Variants in TTC39C observed in about 807,000 individuals in gnomAD.
TTC39C encodes tetratricopeptide repeat protein 39C.
A neutral mutation model predicts 76.3 loss-of-function variants in TTC39C; 33 were observed. The ratio of observed to expected loss-of-function variants is 0.43; its 90% confidence interval spans 0.33 to 0.58. The LOEUF is 0.58. Among genes scored for constraint, TTC39C ranks in the 20% least tolerant of loss-of-function variants. TTC39C has a pLI of 0.04. For missense variants in TTC39C, 595 were observed against 701.4 expected (o/e 0.85, Z 1.71); for synonymous variants, 254 against 260.6 (o/e 0.97, Z 0.24).
At chr18:24,031,620 C>T (rs1457344721) in intron 1 of TTC39C, among the ~76,000 whole-genome samples, 1 of 152,172 alleles carries the variant, frequency 6.6e-6, no homozygotes, top group African/African-American at 2.4e-5. Context: ...CCGCCTAGTC[C>T]AGGCCACCCT....
In TTC39C at chr18:23,999,010, A is replaced by G. The variant is rs148592000; in HGVS notation, c.-17+5972A>G. On this transcript the variant is annotated intron_variant, in intron 1 of 13. Transcript: ENST00000304621. ...CAGCTTCTGTCCTGAATCATCTTGG[A>G]TGACTGCCTCAGGTCTCTGTGTGGC... 5.7e-3 allele frequency among the ~76,000 whole-genome samples: 864 copies of G among 152,258 alleles called. 7 individuals carry two copies. The highest frequency in any genetic ancestry group is 0.019 in the African/African-American group (810 of 41,554).
intron 1 of TTC39C, among the ~76,000 whole-genome samples, chr18:24,042,054 A>G (rs985963754): frequency 2.6e-5 from 4 of 152,206 alleles, no homozygotes; most frequent in African/African-American, 9.6e-5. Flanking sequence ...TATCCTTTGC[A>G]GTTTGTATTT....
chr18:24,011,904 C>T (rs543017279), upstream of TTC39C, among the ~76,000 whole-genome samples: 73 of 152,324 alleles, frequency 4.8e-4, no homozygotes, highest in African/African-American at 1.7e-3. Flanking sequence ...ATTAGTTTTG[C>T]AGGAAGGTGC....
At chr18:24,064,350 CT>C (rs1198129385) in intron 2 of TTC39C, among the ~76,000 whole-genome samples, 162 bp downstream of exon 2, 1 of 152,160 alleles carries the variant, frequency 6.6e-6, no homozygotes, top group African/African-American at 2.4e-5. Flanking sequence ...ATGAAATAAT[CT>C]GCCTTCCCTA....
rs181181851 is a variant in TTC39C at position 24,020,170 on chromosome 18, T to G, written c.167+5132T>G. 14 of 1,186,112 alleles carry G rather than the reference T, an allele frequency of 1.2e-5. No individual in the cohort carries two copies. The African/African-American group carries it at 2.2e-4, about 19-fold the overall frequency. The allele number at this position is 1,186,112 out of a possible 1,614,324, so 73.5% of individuals were successfully genotyped here. A position where few individuals can be genotyped will look rare whatever the true frequency, so the allele number is the denominator to read the frequency against. ...GGAACTGGCGGGAAAGACAGGAAACTCATCTGTTGACTTTTTCCATCCTCT... is the reference window on the plus strand; with the variant it reads ...GGAACTGGCGGGAAAGACAGGAAACGCATCTGTTGACTTTTTCCATCCTCT... On this transcript the variant is annotated intron_variant, in intron 1 of 13. Coordinates refer to ENST00000317571, the MANE Select transcript of TTC39C (RefSeq NM_001135993.2).
intron 1 of TTC39C, among the ~76,000 whole-genome samples, chr18:24,031,173 G>T (rs980827135): frequency 4.0e-5 from 6 of 150,698 alleles, no homozygotes; most frequent in African/African-American, 1.5e-4. Context: ...GGCCAGGCTG[G>T]TCTCGAACTC....
intron 6 of TTC39C, among the ~76,000 whole-genome samples, chr18:24,102,186 C>T (rs537327771): frequency 2.0e-5 from 3 of 152,328 alleles, no homozygotes; most frequent in East Asian, 1.9e-4. Context: ...AATCCCACTA[C>T]GAAGCACTTT....
chr18:24,023,942 ATATGCATG>A (rs1187508781), intron 1 of TTC39C, among the ~76,000 whole-genome samples: 13 of 17,852 alleles, frequency 7.3e-4, no homozygotes, highest in Non-Finnish European at 1.2e-3. Context: ...ACATATATAT[ATATGCATG>A]TATATATATA....
At chr18:24,055,428 A>G (rs1211917181) in intron 1 of TTC39C, among the ~76,000 whole-genome samples, 1 of 152,086 alleles carries the variant, frequency 6.6e-6, no homozygotes, top group Non-Finnish European at 1.5e-5. Flanking sequence ...TAGCTATCCT[A>G]GTGGGTGTGA....
At chr18:24,106,416 T>A (rs926265899) in intron 6 of TTC39C, among the ~76,000 whole-genome samples, 1 of 140,882 alleles carries the variant, frequency 7.1e-6, no homozygotes, top group Non-Finnish European at 1.5e-5. Flanking sequence ...AGAGAAAGAA[T>A]CAGTTAGCAC....
Position 24,018,422 on chromosome 18 carries a change from G to A in TTC39C, c.167+3384G>A, listed in dbSNP as rs1295243783. The stretch of plus-strand genomic sequence containing the variant: ...TCATTCCCTTCCTCACTCACTGTTT[G>A]CATATGTGACGTGCACTCAGACCTT... On this transcript the variant is annotated intron_variant, in intron 1 of 13. Transcript: ENST00000317571. Among the ~76,000 whole-genome samples, 3 of 152,228 alleles carry A rather than the reference G, an allele frequency of 2.0e-5. No individual in the cohort carries two copies. In the East Asian group the frequency reaches 5.8e-4, roughly 29 times the overall value.
chr18:24,059,229 T>C (rs1263980679), intron 1 of TTC39C, among the ~76,000 whole-genome samples: 1 of 152,242 alleles, frequency 6.6e-6, no homozygotes, highest in Non-Finnish European at 1.5e-5. Flanking sequence ...AAAAAACTTT[T>C]AAGTTCAGAG....
At chr18:24,107,535 C>G (rs893029411) in intron 6 of TTC39C, among the ~76,000 whole-genome samples, 1 of 152,080 alleles carries the variant, frequency 6.6e-6, no homozygotes, top group Non-Finnish European at 1.5e-5. Flanking sequence ...TGAGTTCTCA[C>G]GAGATCTGAT....
chr18:24,038,621 A>G (rs1199780261), intron 1 of TTC39C, among the ~76,000 whole-genome samples: 1 of 152,204 alleles, frequency 6.6e-6, no homozygotes, highest in African/African-American at 2.4e-5. Flanking sequence ...CATCATGAGA[A>G]CAGTAATAAA....
At chr18:24,119,973 C>T (rs2084944812) in intron 8 of TTC39C, among the ~76,000 whole-genome samples, 1 of 148,874 alleles carries the variant, frequency 6.7e-6, no homozygotes. Context: ...TCCCCCCCCC[C>T]AATATTTGGC....
At chr18:24,006,517 AAC>A (rs1469306376) in intron 1 of TTC39C, 1 of 140,724 alleles carries the variant, frequency 7.1e-6, no homozygotes, top group African/African-American at 2.6e-5. Flanking sequence ...AGTAATCAAA[AAC>A]AGTGATTATC....
intron 6 of TTC39C, among the ~76,000 whole-genome samples, chr18:24,083,620 TA>T (rs1233884411): frequency 6.6e-6 from 1 of 152,200 alleles, no homozygotes; most frequent in Non-Finnish European, 1.5e-5. Context: ...GACATAGGTG[TA>T]AAATTGTCAT....
chr18:24,067,934 T>C (rs2084187901), intron 3 of TTC39C, among the ~76,000 whole-genome samples: 1 of 152,188 alleles, frequency 6.6e-6, no homozygotes, highest in Admixed American at 6.5e-5. Flanking sequence ...TACTCTTCTT[T>C]AGTTCTTTCT....
At chr18:24,093,167 T>C (rs922747739) in intron 6 of TTC39C, among the ~76,000 whole-genome samples, 9 of 152,262 alleles carry the variant, frequency 5.9e-5, no homozygotes, top group Non-Finnish European at 1.3e-4. Context: ...TTTTGAATTT[T>C]ATCTCAATAA....
Sources: gnomAD v4.1 joint callset for allele counts (sites outside exome capture counted in the v4.1 genomes callset) on GRCh38, gnomAD v4.1.1 for gene constraint, MANE v1.5 for transcripts, NCBI Gene and HGNC (gene_info 2026-07-23, HGNC 2026-07-21) for gene names.